PCDH15: variants seen among roughly 807,000 people sequenced by gnomAD.
PCDH15 encodes protocadherin-15.
PCDH15 carries 129 observed loss-of-function variants against 178.5 expected under a neutral mutation model. That is an observed-to-expected ratio of 0.72 (90% CI 0.63 to 0.84). The LOEUF (loss-of-function observed/expected upper bound fraction) is 0.84, where lower values mean the gene tolerates loss of function less well. Among genes scored for constraint, PCDH15 ranks in the 40% least tolerant of loss-of-function variants. PCDH15 has a pLI of 0.00. For missense variants in PCDH15, 2,230 were observed against 2,099.9 expected (o/e 1.06, Z -1.21); for synonymous variants, 800 against 732.0 (o/e 1.09, Z -1.50).
chr10:55,353,087 C>A (rs1844983380), intron 2 of PCDH15, among the ~76,000 whole-genome samples: 3 of 152,100 alleles, frequency 2.0e-5, no homozygotes, highest in Non-Finnish European at 4.4e-5. Context: ...CCTCATCTAC[C>A]ATATTCATCT....
rs369797930 is a variant in PCDH15 at position 54,298,048 on chromosome 10, G to A, written c.876+19223C>T. Among the ~76,000 whole-genome samples the A allele has an allele frequency of 1.7e-3, 255 of 152,256 alleles. 6 individuals carry two copies. The South Asian group carries it at 0.032, about 19-fold the overall frequency. ...AACTCAGATCCTGGGGACTGGAGTTGTAAACATCTGTTGACCTGTGTTCTA... is the reference window on the plus strand; with the variant it reads ...AACTCAGATCCTGGGGACTGGAGTTATAAACATCTGTTGACCTGTGTTCTA... On this transcript the variant is annotated intron_variant, in intron 8 of 37. Transcript: ENST00000644397.
rs915237525 is a variant in PCDH15 at position 54,847,842 on chromosome 10, T to C, written c.-29+49608A>G. ...CAAATGAGAATACTGATGTTCAGAA[T>C]TTTCAAGAACATTGCTCAAACTGAG... is the stretch of plus-strand genomic sequence containing the variant. On this transcript the variant is annotated intron_variant, in intron 3 of 5. Coordinates refer to the PCDH15 transcript ENST00000458638. Among the ~76,000 whole-genome samples the C allele has an allele frequency of 2.0e-5, 3 of 152,202 alleles. No homozygotes were observed. The South Asian group carries it at 6.2e-4, about 32-fold the overall frequency.
chr10:55,570,744 A>C (rs1190836387), intron 2 of PCDH15, among the ~76,000 whole-genome samples: 1 of 152,008 alleles, frequency 6.6e-6, no homozygotes, highest in East Asian at 1.9e-4. Context: ...AAAGTGGAAA[A>C]TGTTTTCAAA....
intron 15 of PCDH15, among the ~76,000 whole-genome samples, chr10:54,095,679 A>G (rs1025297241): frequency 6.6e-6 from 1 of 152,172 alleles, no homozygotes; most frequent in African/African-American, 2.4e-5. Context: ...TTGAAAATAA[A>G]TGGCATTTGG....
chr10:53,946,683 CA>C (rs1331233014), intron 23 of PCDH15, among the ~76,000 whole-genome samples: 1 of 152,118 alleles, frequency 6.6e-6, no homozygotes. Context: ...TAAATATTTG[CA>C]GATTAAATGC....
At chr10:55,616,726 C>T (rs1267186595) in intron 2 of PCDH15, among the ~76,000 whole-genome samples, 1 of 152,010 alleles carries the variant, frequency 6.6e-6, no homozygotes, top group African/African-American at 2.4e-5. Flanking sequence ...ATTTGTGTAC[C>T]TAACGATTTC....
intron 2 of PCDH15, among the ~76,000 whole-genome samples, chr10:55,465,854 T>C (rs1274917845): frequency 6.6e-6 from 1 of 152,200 alleles, no homozygotes; most frequent in Non-Finnish European, 1.5e-5. Context: ...AAATCCATGC[T>C]ATTCAATGGT....
chr10:53,973,181 T>C (rs2134470591), intron 21 of PCDH15, among the ~76,000 whole-genome samples: 1 of 151,052 alleles, frequency 6.6e-6, no homozygotes, highest in African/African-American at 2.4e-5. Flanking sequence ...CTGAGCAAAG[T>C]ATTGCAAGGA....
At chr10:54,295,536 G>T (rs1405734310) in intron 8 of PCDH15, among the ~76,000 whole-genome samples, 1 of 152,184 alleles carries the variant, frequency 6.6e-6, no homozygotes, top group African/African-American at 2.4e-5. Context: ...AAGGTTCATG[G>T]CTTCACTCCT....
chr10:54,925,642 T>C (rs1191338203), intron 2 of PCDH15, among the ~76,000 whole-genome samples: 1 of 152,170 alleles, frequency 6.6e-6, no homozygotes, highest in Non-Finnish European at 1.5e-5. Flanking sequence ...GTAGTTCTTC[T>C]TGCAGAGATC....
intron 3 of PCDH15, among the ~76,000 whole-genome samples, chr10:54,511,987 T>C (rs984665783): frequency 1.4e-4 from 21 of 152,100 alleles, no homozygotes; most frequent in Admixed American, 1.4e-3. Context: ...AACTAATACC[T>C]GCTAATCCAG....
intron 8 of PCDH15, among the ~76,000 whole-genome samples, chr10:54,270,760 T>A (rs571790548): frequency 6.6e-6 from 1 of 152,282 alleles, no homozygotes; most frequent in East Asian, 1.9e-4. Context: ...ATTTATTCAC[T>A]CAGCAAAGTT....
intron 1 of PCDH15, among the ~76,000 whole-genome samples, chr10:55,235,533 G>A (rs1000714693): frequency 2.6e-5 from 4 of 152,018 alleles, no homozygotes; most frequent in Admixed American, 1.3e-4. Flanking sequence ...TATGAGAAGA[G>A]TTCTCATTCT....
In PCDH15 at chr10:53,995,769, T is replaced by C; in HGVS notation, c.2752-4A>G. Reference sequence around the variant, plus strand: ...CAGGAGGATAATCATTCATATCCTGTAAAACACAATTAGGAGTTTAGTACT... The same window carrying C: ...CAGGAGGATAATCATTCATATCCTGCAAAACACAATTAGGAGTTTAGTACT... On this transcript the variant is annotated splice_region_variant and splice_polypyrimidine_tract_variant and intron_variant, in intron 20 of 37. Transcript: ENST00000644397. 3.1e-6 allele frequency: 5 copies of C among 1,612,628 alleles called. No individual in the cohort carries two copies. Among genetic ancestry groups the C allele is most frequent in the Non-Finnish European group, 3.4e-6 (4 of 1,178,788 alleles).
chr10:55,214,911 G>A (rs1840663143), intron 1 of PCDH15, among the ~76,000 whole-genome samples: 1 of 152,086 alleles, frequency 6.6e-6, no homozygotes, highest in Non-Finnish European at 1.5e-5. Flanking sequence ...CTGTTTTACA[G>A]TGTAATGGTA....
chr10:54,112,989 T>G (rs1238360811), intron 15 of PCDH15, among the ~76,000 whole-genome samples: 1 of 152,120 alleles, frequency 6.6e-6, no homozygotes, highest in Non-Finnish European at 1.5e-5. Flanking sequence ...TACTGGGGAA[T>G]GAAATAAACT....
At chr10:54,361,468 C>T (rs1003090081) in intron 5 of PCDH15, among the ~76,000 whole-genome samples, 1 of 152,042 alleles carries the variant, frequency 6.6e-6, no homozygotes, top group Non-Finnish European at 1.5e-5. Flanking sequence ...CTATTCATTG[C>T]ATGCACCCAG....
intron 2 of PCDH15, among the ~76,000 whole-genome samples, chr10:54,954,533 T>C (rs1292722470): frequency 6.6e-6 from 1 of 151,234 alleles, no homozygotes; most frequent in Non-Finnish European, 1.5e-5. Context: ...CTTGTCTTTC[T>C]CTATTTTCAA....
chr10:54,608,625 A>C lies in PCDH15; in HGVS notation c.91+55547T>G, dbSNP rs924610679. On this transcript the variant is annotated intron_variant, in intron 2 of 37. Coordinates refer to ENST00000644397, the MANE Select transcript of PCDH15 (RefSeq NM_001384140.1). ...CTCTCTTAACAAAATAAAAAATACA[A>C]AAAGGAGAAAGTCATCAAACAAAAT... 4.7e-4 allele frequency among the ~76,000 whole-genome samples: 72 copies of C among 151,994 alleles called. 1 individual carries two copies. The highest frequency in any genetic ancestry group is 3.2e-4 in the Non-Finnish European group (22 of 67,980).
Sources: allele counts gnomAD v4.1 joint callset (sites outside exome capture counted in the v4.1 genomes callset), GRCh38; gene constraint gnomAD v4.1.1; transcripts MANE v1.5; gene names NCBI Gene and HGNC (gene_info 2026-07-23, HGNC 2026-07-21).